Variants in NRG3 observed in about 807,000 individuals in gnomAD.
NRG3 encodes pro-neuregulin-3, membrane-bound isoform.
NRG3 carries 31 observed loss-of-function variants against 66.9 expected under a neutral mutation model. The observed-to-expected ratio is 0.46, with a 90% confidence interval of 0.35 to 0.63. The LOEUF (loss-of-function observed/expected upper bound fraction) is 0.63. Among genes scored for constraint, NRG3 ranks in the 20% least tolerant of loss-of-function variants. The pLI is 0.00. For synonymous variants in NRG3, 393 were observed against 359.4 expected, an observed-to-expected ratio of 1.09 and a Z score of -1.06; for missense variants, 910 against 878.9, an observed-to-expected ratio of 1.04 and a Z score of -0.45.
At chr10:82,417,602 A>G (rs2088675437) in intron 2 of NRG3, among the ~76,000 whole-genome samples, 1 of 152,192 alleles carries the variant, frequency 6.6e-6, no homozygotes, top group Non-Finnish European at 1.5e-5. Flanking sequence ...TATTGTCCAC[A>G]GTATTCTAAG....
At chr10:82,168,048 T>C (rs2072239868) in intron 1 of NRG3, among the ~76,000 whole-genome samples, 1 of 152,144 alleles carries the variant, frequency 6.6e-6, no homozygotes, top group African/African-American at 2.4e-5. Flanking sequence ...TGAATATTTG[T>C]CAATATTATT....
At chr10:82,412,562 C>T (rs1166358241) in intron 2 of NRG3, among the ~76,000 whole-genome samples, 3 of 152,052 alleles carry the variant, frequency 2.0e-5, no homozygotes, top group Non-Finnish European at 2.9e-5. Context: ...GTGGTGGTTG[C>T]TGAAGGTTAG....
intron 2 of NRG3, among the ~76,000 whole-genome samples, chr10:82,669,845 G>A (rs1335006511): frequency 6.6e-6 from 1 of 151,436 alleles, no homozygotes; most frequent in Non-Finnish European, 1.5e-5. Context: ...GGAGAATGGC[G>A]TGAACCCGGG....
At chr10:82,574,014 C>A (rs899682705) in intron 2 of NRG3, among the ~76,000 whole-genome samples, 1 of 151,694 alleles carries the variant, frequency 6.6e-6, no homozygotes, top group African/African-American at 2.4e-5. Context: ...ACAATATGAT[C>A]CAACCAATCC....
At chr10:82,153,532 G>C (rs898612801) in intron 1 of NRG3, among the ~76,000 whole-genome samples, 2 of 151,582 alleles carry the variant, frequency 1.3e-5, no homozygotes, top group Non-Finnish European at 2.9e-5. Context: ...TATGAGTGCA[G>C]GTATCTCTTT....
intron 1 of NRG3, chr10:81,877,803 A>T (rs1841809828): frequency 7.2e-7 from 1 of 1,382,160 alleles, no homozygotes; most frequent in Non-Finnish European, 9.3e-7. Context: ...TTTTCCCAGG[A>T]GGTGTTTAGA....
intron 2 of NRG3, among the ~76,000 whole-genome samples, chr10:82,416,874 G>A (rs1027261047): frequency 3.9e-5 from 6 of 152,172 alleles, no homozygotes; most frequent in Middle Eastern, 3.4e-3. Flanking sequence ...TCAATCCTTA[G>A]ATTTCTCATG....
At chr10:82,328,221 A>C (rs2081969647) in intron 1 of NRG3, among the ~76,000 whole-genome samples, 1 of 152,180 alleles carries the variant, frequency 6.6e-6, no homozygotes, top group South Asian at 2.1e-4. Context: ...ATTTGCTAGA[A>C]GGAGAAGGGC....
chr10:82,420,757 A>C (rs1202893193), intron 2 of NRG3, among the ~76,000 whole-genome samples: 1 of 152,180 alleles, frequency 6.6e-6, no homozygotes, highest in Non-Finnish European at 1.5e-5. Context: ...CAAGAACTGG[A>C]AACAACCCAA....
intron 2 of NRG3, among the ~76,000 whole-genome samples, chr10:82,532,771 T>C (rs1847420511): frequency 6.6e-6 from 1 of 151,548 alleles, no homozygotes; most frequent in African/African-American, 2.4e-5. Context: ...CTGATCTCAG[T>C]ACTTTTGGAT....
chr10:82,386,538 TC>T (rs1163598842), intron 2 of NRG3, among the ~76,000 whole-genome samples: 1 of 152,156 alleles, frequency 6.6e-6, no homozygotes, highest in Non-Finnish European at 1.5e-5. Flanking sequence ...TTTCAACTCT[TC>T]TCTTCTTATT....
intron 4 of NRG3, among the ~76,000 whole-genome samples, chr10:82,941,995 TTGTGTGTGTG>T (rs3075660): frequency 2.0e-5 from 3 of 148,366 alleles, no homozygotes; most frequent in Non-Finnish European, 4.5e-5. Flanking sequence ...ACATATAGGT[TTGTGTGTGTG>T]TGTGTGTGTG....
chr10:81,909,903 A>G (rs1844959980), intron 1 of NRG3, among the ~76,000 whole-genome samples: 1 of 152,182 alleles, frequency 6.6e-6, no homozygotes, highest in South Asian at 2.1e-4. Context: ...CTTATTTCTT[A>G]TAAGAAATTT....
chr10:82,349,304 G>T (rs1341907625), intron 1 of NRG3, among the ~76,000 whole-genome samples: 1 of 152,024 alleles, frequency 6.6e-6, no homozygotes, highest in Non-Finnish European at 1.5e-5. Context: ...TCAGCTGCAG[G>T]TCTGTTGGAA....
chr10:82,479,767 A>G (rs1842099171), intron 2 of NRG3, among the ~76,000 whole-genome samples: 1 of 151,634 alleles, frequency 6.6e-6, no homozygotes, highest in South Asian at 2.1e-4. Flanking sequence ...GGAGATTGAG[A>G]CCATCCTGGC....
intron 1 of NRG3, among the ~76,000 whole-genome samples, chr10:82,201,524 A>G (rs1475668403): frequency 2.6e-5 from 4 of 152,186 alleles, no homozygotes; most frequent in African/African-American, 7.2e-5. Context: ...ACAGGAGACC[A>G]GCTAATTTCT....
chr10:82,363,680 A>G (rs2084334880), intron 2 of NRG3, among the ~76,000 whole-genome samples: 1 of 151,810 alleles, frequency 6.6e-6, no homozygotes, highest in Non-Finnish European at 1.5e-5. Context: ...GATGGTCTCA[A>G]TCTCCTGACC....
At chr10:82,564,563 C>T (rs1296398568) in intron 2 of NRG3, among the ~76,000 whole-genome samples, 1 of 152,088 alleles carries the variant, frequency 6.6e-6, no homozygotes. Context: ...GGTAACCTTT[C>T]AGGCTCAACA....
intron 2 of NRG3, among the ~76,000 whole-genome samples, chr10:82,603,961 C>T (rs1329296720): frequency 6.6e-6 from 1 of 152,018 alleles, no homozygotes; most frequent in East Asian, 1.9e-4. Flanking sequence ...TTTCATATGA[C>T]CCTTAACTGC....
Sources: allele counts gnomAD v4.1 joint callset (sites outside exome capture counted in the v4.1 genomes callset), GRCh38; gene constraint gnomAD v4.1.1; transcripts MANE v1.5; gene names NCBI Gene and HGNC (gene_info 2026-07-23, HGNC 2026-07-21).